Variants in MAGI1 observed in about 807,000 individuals in gnomAD.
The protein encoded by MAGI1 is membrane-associated guanylate kinase, WW and PDZ domain-containing protein 1.
A neutral mutation model predicts 139.9 loss-of-function variants in MAGI1; 58 were observed. That is an observed-to-expected ratio of 0.41 (90% CI 0.34 to 0.52). MAGI1 has a LOEUF of 0.52. MAGI1 is among the 20% of genes least tolerant of loss of function. The probability of loss-of-function intolerance (pLI) is 0.12; values close to 1 mark genes in which losing one functional copy is unlikely to be tolerated. For missense variants in MAGI1, 1,874 were observed against 1,901.6 expected, an observed-to-expected ratio of 0.99 and a Z score of 0.27; for synonymous variants, 812 against 737.9, an observed-to-expected ratio of 1.10 and a Z score of -1.63.
intron 5 of MAGI1, among the ~76,000 whole-genome samples, chr3:65,469,182 G>C (rs1352675251): frequency 3.3e-5 from 5 of 152,092 alleles, no homozygotes; most frequent in Non-Finnish European, 7.4e-5. Flanking sequence ...TAGGATATGT[G>C]TGTATACATG....
intron 2 of MAGI1, among the ~76,000 whole-genome samples, chr3:65,507,687 T>A (rs2077355297): frequency 6.6e-6 from 1 of 152,222 alleles, no homozygotes; most frequent in Admixed American, 6.5e-5. Context: ...GCAAAATCAT[T>A]TAGACCCAGC....
intron 1 of MAGI1, among the ~76,000 whole-genome samples, chr3:65,689,888 G>C (rs988841389): frequency 6.6e-6 from 1 of 152,164 alleles, no homozygotes; most frequent in Non-Finnish European, 1.5e-5. Context: ...AAGTATACGG[G>C]ATACCTGTCA....
chr3:65,607,698 TTC>T (rs1417883551), intron 2 of MAGI1, among the ~76,000 whole-genome samples: 3 of 152,328 alleles, frequency 2.0e-5, no homozygotes, highest in Non-Finnish European at 4.4e-5. Flanking sequence ...TTTTATCTTA[TTC>T]TCTCTTTTTG....
chr3:65,358,549 ATC>A (rs1402375043), intron 22 of MAGI1, among the ~76,000 whole-genome samples: 1 of 152,186 alleles, frequency 6.6e-6, no homozygotes, highest in Non-Finnish European at 1.5e-5. Context: ...GGGCCACACC[ATC>A]TCTGTTACAG....
At chr3:65,952,911 A>G (rs1194759948) in intron 1 of MAGI1, among the ~76,000 whole-genome samples, 1 of 152,188 alleles carries the variant, frequency 6.6e-6, no homozygotes, top group Non-Finnish European at 1.5e-5. Flanking sequence ...CTTGACAAAC[A>G]CTTTCATAAC....
chr3:65,687,721 G>T, intron 1 of MAGI1: 1 of 534,012 alleles, frequency 1.9e-6, no homozygotes, highest in Non-Finnish European at 3.8e-6. Context: ...GGGAAACAAA[G>T]TCGGGGGAAG....
At chr3:65,433,091 G>C (rs139364063) in intron 10 of MAGI1, among the ~76,000 whole-genome samples, 1 of 152,274 alleles carries the variant, frequency 6.6e-6, no homozygotes, top group Non-Finnish European at 1.5e-5. Flanking sequence ...TAGAATGTTA[G>C]CTCCATGAGG....
chr3:65,661,875 G>T (rs746229151), intron 1 of MAGI1, among the ~76,000 whole-genome samples: 8 of 149,834 alleles, frequency 5.3e-5, no homozygotes, highest in Admixed American at 1.3e-4. Context: ...AGCCTCCCGA[G>T]TAGCTGGGAT....
intron 1 of MAGI1, among the ~76,000 whole-genome samples, chr3:66,014,533 A>T (rs1464741777): frequency 6.6e-6 from 1 of 152,218 alleles, no homozygotes; most frequent in Admixed American, 6.5e-5. Flanking sequence ...ATATAAGCCA[A>T]CTTGAAATTT....
At chr3:65,992,483 C>A (rs928317075) in intron 1 of MAGI1, among the ~76,000 whole-genome samples, 1 of 152,132 alleles carries the variant, frequency 6.6e-6, no homozygotes, top group East Asian at 1.9e-4. Context: ...TATGTCTTGC[C>A]TGCCAGAAAG....
intron 1 of MAGI1, among the ~76,000 whole-genome samples, chr3:65,914,786 A>T (rs190409737): frequency 1.3e-5 from 2 of 152,238 alleles, no homozygotes; most frequent in African/African-American, 4.8e-5. Flanking sequence ...ATATATGTAC[A>T]TATACAAAGG....
intron 1 of MAGI1, among the ~76,000 whole-genome samples, chr3:65,992,184 T>TG (rs2066218149): frequency 6.6e-6 from 1 of 152,048 alleles, no homozygotes; most frequent in Admixed American, 6.6e-5. Context: ...GAGAATCAGA[T>TG]GAAAAAATGC....
rs1289592033 is a variant in MAGI1 at position 65,839,984 on chromosome 3, T to G, written c.313+198012A>C. Among the ~76,000 whole-genome samples, 3 of 152,310 alleles carry G rather than the reference T, an allele frequency of 2.0e-5. No individual in the cohort carries two copies. In the East Asian group the frequency reaches 5.8e-4, roughly 29 times the overall value. ...TCACCATACTAAATCTGGTATATAT[T>G]TTGTTAGAGTTATACCTAAGTATAC... On this transcript the variant is annotated intron_variant, in intron 1 of 22. Coordinates refer to ENST00000402939, the MANE Select transcript of MAGI1 (RefSeq NM_001033057.2).
At chr3:65,902,775 A>T (rs2061286114) in intron 1 of MAGI1, 1 of 152,848 alleles carries the variant, frequency 6.5e-6, no homozygotes, top group African/African-American at 2.4e-5. Context: ...CATTACCTCC[A>T]GCTTGGGAAT....
At chr3:65,932,450 C>G (rs148222464) in intron 1 of MAGI1, among the ~76,000 whole-genome samples, 20 of 152,248 alleles carry the variant, frequency 1.3e-4, no homozygotes, top group African/African-American at 4.3e-4. Context: ...TATGTGTCTG[C>G]CCCCTAGGTT....
At position 65,627,774 on chromosome 3, in the gene MAGI1, A is replaced by G. The variant is rs537795498; in HGVS notation, c.314-5686T>C. Among the ~76,000 whole-genome samples the G allele has an allele frequency of 1.1e-4, 17 of 152,010 alleles. No individual in the cohort carries two copies. In the South Asian group the frequency reaches 1.2e-3, roughly 11 times the overall value. ...GCCCACCTTGGCCTCCTGAAGTGCT[A>G]GGATTACAGGCTTGAGCCACTGAGC... On this transcript the variant is annotated intron_variant, in intron 1 of 22. Coordinates refer to ENST00000402939, the MANE Select transcript of MAGI1 (RefSeq NM_001033057.2).
chr3:66,037,881 C>T (rs2069028621), intron 1 of MAGI1, 115 bp downstream of exon 1: 2 of 1,490,574 alleles, frequency 1.3e-6, no homozygotes, highest in African/African-American at 1.4e-5. Flanking sequence ...GGCGCACGGC[C>T]TCAACTTCTC....
At chr3:65,360,690 ATGGAGAAGTGT>A (rs1422161730) in intron 22 of MAGI1, 1 of 986,970 alleles carries the variant, frequency 1.0e-6, no homozygotes, top group Non-Finnish European at 1.2e-6. Flanking sequence ...CAGTTGGGGG[ATGGAGAAGTGT>A]TGTATACAGA....
chr3:65,938,793 C>T (rs2063177543), intron 1 of MAGI1, among the ~76,000 whole-genome samples: 1 of 152,124 alleles, frequency 6.6e-6, no homozygotes, highest in Non-Finnish European at 1.5e-5. Flanking sequence ...GCAATGAGAC[C>T]ACATCACTGA....
Sources: gnomAD v4.1 joint callset for allele counts (sites outside exome capture counted in the v4.1 genomes callset) on GRCh38, gnomAD v4.1.1 for gene constraint, MANE v1.5 for transcripts, NCBI Gene and HGNC (gene_info 2026-07-23, HGNC 2026-07-21) for gene names.